ZNF423: variants seen among roughly 807,000 people sequenced by gnomAD.
ZNF423 encodes the protein Ebf-associated zinc finger protein.
Under a neutral mutation model 95.8 loss-of-function variants are expected in ZNF423, and 12 were observed. The observed-to-expected ratio is 0.13, with a 90% CI of 0.08 to 0.20. The LOEUF (loss-of-function observed/expected upper bound fraction) is 0.20, where lower values mean the gene tolerates loss of function less well. Ranked by LOEUF, ZNF423 falls within the 10% of genes least tolerant of loss-of-function variation. The pLI is 1.00. For missense variants in ZNF423, 1,316 were observed against 1,737.1 expected, an observed-to-expected ratio of 0.76 and a Z score of 4.31; for synonymous variants, 749 against 711.9, an observed-to-expected ratio of 1.05 and a Z score of -0.83.
At chr16:49,733,267 T>C (rs2033211912) in intron 2 of ZNF423, among the ~76,000 whole-genome samples, 1 of 152,222 alleles carries the variant, frequency 6.6e-6, no homozygotes, top group South Asian at 2.1e-4. Flanking sequence ...ATTCTGGCTT[T>C]ATCTACTACA....
intron 3 of ZNF423, among the ~76,000 whole-genome samples, chr16:49,645,061 C>A (rs1444898491): frequency 3.9e-5 from 6 of 152,188 alleles, no homozygotes; most frequent in South Asian, 2.1e-4. Context: ...TCATGATAGA[C>A]ACAAAATGGC....
chr16:49,771,192 C>CTTTTTTTTTTTTTTTTTTTTTTTTT (rs71380376), intron 2 of ZNF423, among the ~76,000 whole-genome samples: 2 of 89,436 alleles, frequency 2.2e-5, no homozygotes, highest in Admixed American at 1.4e-4. Flanking sequence ...TTTTTTTTTT[C>CTTTTTTTTTTTTTTTTTTTTTTTTT]TTTTTTTTTT....
At position 49,557,230 on chromosome 16, in the gene ZNF423, G is replaced by T. The variant is rs185828088; in HGVS notation, c.3602-31736C>A. 4.6e-5 allele frequency among the ~76,000 whole-genome samples: 7 copies of T among 152,336 alleles called. No individual in the cohort carries two copies. In the South Asian group the frequency reaches 1.5e-3, roughly 32 times the overall value. On this transcript the variant is annotated intron_variant, in intron 5 of 7. Transcript: ENST00000563137. ...CCATCGGAGAGTATTCCTAGGGCGC[G>T]AGCAGCTCCCCAGGGTGAGGCCACG... is the stretch of plus-strand genomic sequence containing the variant.
At chr16:49,810,682 CT>C (rs2034736789) in intron 1 of ZNF423, among the ~76,000 whole-genome samples, 1 of 152,170 alleles carries the variant, frequency 6.6e-6, no homozygotes, top group African/African-American at 2.4e-5. Flanking sequence ...CTTTTTTAAT[CT>C]TCCAGATTAT....
Position 49,665,032 on chromosome 16 carries a change from T to C in ZNF423, c.302-26158A>G, listed in dbSNP as rs543231746. Among the ~76,000 whole-genome samples the C allele has an allele frequency of 2.0e-5, 3 of 152,136 alleles. No homozygotes were observed. In the South Asian group the frequency reaches 6.2e-4, roughly 32 times the overall value. ...TCCCTCCGCTCAGCCTTGGTCAGGT[T>C]ATCAGCTGAGCTGGGCCTGGGGCTG... is the stretch of plus-strand genomic sequence containing the variant. On this transcript the variant is annotated intron_variant, in intron 3 of 7. Coordinates refer to ENST00000563137, the MANE Select transcript of ZNF423 (RefSeq NM_001379286.1).
chr16:49,705,211 G>A (rs1286414493), intron 3 of ZNF423, among the ~76,000 whole-genome samples: 1 of 152,184 alleles, frequency 6.6e-6, no homozygotes. Context: ...ACAGAGTCAA[G>A]GCCCCAGCCC....
intron 5 of ZNF423, among the ~76,000 whole-genome samples, chr16:49,593,447 A>C (rs1270838453): frequency 6.6e-6 from 1 of 151,578 alleles, no homozygotes; most frequent in South Asian, 2.1e-4. Context: ...AAAAAAAAAA[A>C]TTTCTCTGCC....
Position 49,855,111 on chromosome 16 carries a change from C to T in ZNF423, c.40+624G>A, listed in dbSNP as rs2035346025. 1 of 938,492 alleles carries T rather than the reference C, an allele frequency of 1.1e-6. No homozygotes were observed. The highest frequency in any genetic ancestry group is 1.3e-6 in the Non-Finnish European group (1 of 787,904). The allele number at this position is 938,492 out of a possible 1,614,324, so 58.1% of individuals were successfully genotyped here. On this transcript the variant is annotated intron_variant, in intron 1 of 7. Transcript: ENST00000563137. The surrounding 1 kb of genome is among the most constrained non-coding windows in gnomAD (Gnocchi z 4.7). ...TGGAGGAGGCAGGAAGTGCAGGGGC[C>T]CGGGCCGGGAGAAGGCCTGGGCAGG...
rs571088744 is a variant in ZNF423 at position 49,737,013 on chromosome 16, C to A, written c.101-6042G>T. ...GACAGAGGGAGGTGGCACAGCCTCC[C>A]CTACACCCTGAGGGGAGCTGAGTAT... On this transcript the variant is annotated intron_variant, in intron 2 of 7. Transcript: ENST00000563137. Among the ~76,000 whole-genome samples the A allele has an allele frequency of 4.0e-4, 61 of 152,204 alleles. 1 individual carries two copies. Among genetic ancestry groups the A allele is most frequent in the Non-Finnish European group, 8.8e-5 (6 of 67,996 alleles).
chr16:49,590,900 A>G (rs1596684055), intron 5 of ZNF423, among the ~76,000 whole-genome samples: 2 of 152,184 alleles, frequency 1.3e-5, no homozygotes, highest in African/African-American at 4.8e-5. Context: ...AAAGTCACCC[A>G]TTTGGTTAGG....
chr16:49,740,997 G>A (rs572419762), intron 2 of ZNF423, among the ~76,000 whole-genome samples: 34 of 152,140 alleles, frequency 2.2e-4, no homozygotes, highest in Non-Finnish European at 4.6e-4. Flanking sequence ...CGGCAAAACT[G>A]AGGCTCCGAT....
At chr16:49,708,596 T>G (rs1487779016) in intron 3 of ZNF423, among the ~76,000 whole-genome samples, 1 of 152,138 alleles carries the variant, frequency 6.6e-6, no homozygotes, top group Non-Finnish European at 1.5e-5. Context: ...TGCTCTTCCT[T>G]GCAGAACTTA....
chr16:49,748,998 T>G (rs907361241), intron 2 of ZNF423, among the ~76,000 whole-genome samples: 11 of 152,148 alleles, frequency 7.2e-5, no homozygotes. Context: ...CTTTTCCACA[T>G]GGACAATGCG....
chr16:49,762,958 C>T (rs188774530), intron 2 of ZNF423, among the ~76,000 whole-genome samples: 210 of 152,310 alleles, frequency 1.4e-3, no homozygotes, highest in Non-Finnish European at 2.3e-3. Flanking sequence ...GCCTCGGACT[C>T]CTGGACTCAA....
At chr16:49,690,165 G>A (rs1425641878) in intron 3 of ZNF423, among the ~76,000 whole-genome samples, 1 of 152,252 alleles carries the variant, frequency 6.6e-6, no homozygotes, top group East Asian at 1.9e-4. Flanking sequence ...TCATCGCCAT[G>A]CAAGAGAGGC....
chr16:49,604,935 G>C (rs1368035442), intron 5 of ZNF423, among the ~76,000 whole-genome samples: 1 of 152,142 alleles, frequency 6.6e-6, no homozygotes, highest in Non-Finnish European at 1.5e-5. Context: ...AGGAACAGTT[G>C]AAAGAAAAAT....
intron 1 of ZNF423, among the ~76,000 whole-genome samples, chr16:49,823,512 G>A (rs541576323): frequency 6.6e-6 from 1 of 152,334 alleles, no homozygotes; most frequent in East Asian, 1.9e-4. Context: ...GAACAGGCCT[G>A]TGTTCCTAAC....
intron 1 of ZNF423, among the ~76,000 whole-genome samples, chr16:49,792,110 T>C (rs1237241151): frequency 6.6e-6 from 1 of 152,060 alleles, no homozygotes; most frequent in African/African-American, 2.4e-5. Context: ...TTTTTGATTT[T>C]TTTTTCTTTT....
At chr16:49,724,358 T>G (rs1266436764) in intron 3 of ZNF423, among the ~76,000 whole-genome samples, 1 of 152,208 alleles carries the variant, frequency 6.6e-6, no homozygotes. Flanking sequence ...ATATCAATTG[T>G]GCTCAAGCCC....
Sources: allele counts gnomAD v4.1 joint callset (sites outside exome capture counted in the v4.1 genomes callset), GRCh38; gene constraint gnomAD v4.1.1; non-coding constraint Gnocchi (gnomAD v3.1); transcripts MANE v1.5; gene names NCBI Gene and HGNC (gene_info 2026-07-23, HGNC 2026-07-21).